Variants in OPCML observed in about 807,000 individuals in gnomAD.
The protein encoded by OPCML is opioid-binding protein/cell adhesion molecule.
In OPCML, 13 loss-of-function variants were observed where a neutral mutation model predicts 37.8. The observed-to-expected ratio is 0.34, with a 90% CI of 0.22 to 0.55. The LOEUF (loss-of-function observed/expected upper bound fraction) is 0.55. OPCML is among the 20% of genes least tolerant of loss of function. OPCML has a pLI of 0.91. For synonymous variants in OPCML, 176 were observed against 168.8 expected, an observed-to-expected ratio of 1.04 and a Z score of -0.33; for missense variants, 341 against 435.6, an observed-to-expected ratio of 0.78 and a Z score of 1.93.
intron 2 of OPCML, among the ~76,000 whole-genome samples, chr11:132,761,285 T>C (rs1385691855): frequency 3.3e-5 from 5 of 151,498 alleles, no homozygotes; most frequent in Admixed American, 3.3e-4. Context: ...TTATGTGTCT[T>C]AGGGTTGCTC....
Position 132,436,085 on chromosome 11 carries a change from C to A in OPCML, c.916+1G>T, listed in dbSNP as rs1208886357. ...ACTGCATCCAGGCTTCCAGCACTCACCATACAATGTGATGCTGGCATTGGT... is the reference window on the plus strand; with the variant it reads ...ACTGCATCCAGGCTTCCAGCACTCAACATACAATGTGATGCTGGCATTGGT... On this transcript the variant is annotated splice_donor_variant, in intron 7 of 7. Transcript: ENST00000524381. LOFTEE classifies it high-confidence loss of function. 1 of 1,613,496 alleles carries A rather than the reference C, an allele frequency of 6.2e-7. No homozygotes were observed. The highest frequency in any genetic ancestry group is 1.3e-5 in the African/African-American group (1 of 75,030).
At chr11:133,420,339 T>G (rs984866130) in intron 1 of OPCML, 4 of 985,368 alleles carry the variant, frequency 4.1e-6, no homozygotes, top group African/African-American at 1.7e-5. Context: ...TTTTTAGATA[T>G]CCTTTGCTGT....
chr11:132,514,852 C>A (rs1031352281), intron 4 of OPCML, among the ~76,000 whole-genome samples: 16 of 152,078 alleles, frequency 1.1e-4, no homozygotes, highest in Non-Finnish European at 2.1e-4. Context: ...CACCACGGCC[C>A]TATGATGCCC....
chr11:133,446,808 T>C (rs1173990927), intron 1 of OPCML, among the ~76,000 whole-genome samples: 2 of 152,248 alleles, frequency 1.3e-5, no homozygotes, highest in Non-Finnish European at 2.9e-5. Flanking sequence ...TTGTCATTTG[T>C]GTCTGGCTTT....
intron 3 of OPCML, among the ~76,000 whole-genome samples, chr11:132,622,037 G>T (rs1939440639): frequency 6.6e-6 from 1 of 151,928 alleles, no homozygotes; most frequent in African/African-American, 2.4e-5. Context: ...TAAAATAATT[G>T]ATTATAAAAG....
intron 1 of OPCML, among the ~76,000 whole-genome samples, chr11:133,030,851 T>A (rs1265616919): frequency 2.0e-5 from 3 of 152,070 alleles, no homozygotes; most frequent in Non-Finnish European, 4.4e-5. Context: ...ATCCAAGCAT[T>A]CCATCGTCCT....
At chr11:132,899,580 A>T (rs1177510129) in intron 2 of OPCML, among the ~76,000 whole-genome samples, 1 of 152,132 alleles carries the variant, frequency 6.6e-6, no homozygotes. Flanking sequence ...TGGGATGCAA[A>T]CAGGTGCCAA....
At chr11:133,053,956 C>G (rs1413277456) in intron 1 of OPCML, among the ~76,000 whole-genome samples, 1 of 152,208 alleles carries the variant, frequency 6.6e-6, no homozygotes, top group African/African-American at 2.4e-5. Flanking sequence ...ACTCTCTTCC[C>G]CTGAAATCTG....
chr11:133,507,243 G>C (rs769583946), intron 1 of OPCML, among the ~76,000 whole-genome samples: 6 of 152,190 alleles, frequency 3.9e-5, no homozygotes, highest in Non-Finnish European at 8.8e-5. Flanking sequence ...AGCTTCAAAG[G>C]GGAGAACTCC....
At chr11:133,115,482 C>G (rs1054298446) in intron 1 of OPCML, among the ~76,000 whole-genome samples, 1 of 151,928 alleles carries the variant, frequency 6.6e-6, no homozygotes. Context: ...TATCTGAAGT[C>G]GAATGTGATT....
At chr11:133,159,215 G>A (rs150265847) in intron 1 of OPCML, among the ~76,000 whole-genome samples, 23 of 152,294 alleles carry the variant, frequency 1.5e-4, no homozygotes, top group African/African-American at 5.5e-4. Flanking sequence ...TCTGCATCCC[G>A]ACAAGCATTT....
chr11:133,486,818 C>A (rs1027810662), intron 1 of OPCML, among the ~76,000 whole-genome samples: 1 of 150,984 alleles, frequency 6.6e-6, no homozygotes, highest in African/African-American at 2.4e-5. Context: ...CTCTCTCTCT[C>A]TCTCTATCTC....
chr11:132,633,593 C>A (rs1940291315), intron 3 of OPCML, among the ~76,000 whole-genome samples: 1 of 152,106 alleles, frequency 6.6e-6, no homozygotes, highest in African/African-American at 2.4e-5. Context: ...TCTTACGCTG[C>A]ATGACACAGG....
In OPCML at chr11:132,976,045, A is replaced by C. The variant is rs151117514; in HGVS notation, c.62-33035T>G. On this transcript the variant is annotated intron_variant, in intron 1 of 7. Coordinates refer to ENST00000524381, the MANE Select transcript of OPCML (RefSeq NM_001012393.5). The stretch of plus-strand genomic sequence containing the variant: ...TCGGCCTAGCTATCTCTTGAAACAT[A>C]AGACTAAAGCTCGTTTCAAAGATTT... 8.3e-3 allele frequency among the ~76,000 whole-genome samples: 1,261 copies of C among 152,272 alleles called. 13 individuals carry two copies. Among genetic ancestry groups the C allele is most frequent in the African/African-American group, 0.029 (1,213 of 41,560 alleles).
intron 2 of OPCML, among the ~76,000 whole-genome samples, chr11:132,811,581 C>A (rs1381323777): frequency 6.6e-6 from 1 of 152,088 alleles, no homozygotes; most frequent in South Asian, 2.1e-4. Flanking sequence ...TGTATTTTTT[C>A]TTATGTGTCT....
intron 7 of OPCML, among the ~76,000 whole-genome samples, chr11:132,424,144 G>C (rs1022616778): frequency 2.0e-5 from 3 of 150,402 alleles, no homozygotes; most frequent in African/African-American, 7.3e-5. Flanking sequence ...TTTTTAGATG[G>C]AGTCTCGCTC....
rs551396914 is a variant in OPCML, at chr11:133,479,767, A to C, written c.61+52497T>G. On this transcript the variant is annotated intron_variant, in intron 1 of 7. Coordinates refer to ENST00000524381, the MANE Select transcript of OPCML (RefSeq NM_001012393.5). ...CTCCACACCACAGAGGACCACACAC[A>C]CCCACCGAACAAATGACACCCATGG... Among the ~76,000 whole-genome samples, 158 of 152,226 alleles carry C rather than the reference A, an allele frequency of 1.0e-3. 1 individual carries two copies. The highest frequency in any genetic ancestry group is 1.5e-3 in the Non-Finnish European group (103 of 68,008).
At chr11:133,278,001 C>A (rs1485492312) in intron 1 of OPCML, among the ~76,000 whole-genome samples, 1 of 152,094 alleles carries the variant, frequency 6.6e-6, no homozygotes, top group East Asian at 1.9e-4. Context: ...TGGAATGCCT[C>A]AGCAGCCCTT....
intron 1 of OPCML, among the ~76,000 whole-genome samples, chr11:133,207,252 A>ATC (rs1939115222): frequency 6.6e-6 from 1 of 152,058 alleles, no homozygotes; most frequent in South Asian, 2.1e-4. Context: ...GTGAGCCGAG[A>ATC]TCAAGCCACT....
Sources: gnomAD v4.1 joint callset for allele counts (sites outside exome capture counted in the v4.1 genomes callset) on GRCh38, gnomAD v4.1.1 for gene constraint, MANE v1.5 for transcripts, NCBI Gene and HGNC (gene_info 2026-07-23, HGNC 2026-07-21) for gene names.